The following METTL8 variants were observed in gnomAD, a reference collection of about 807,000 sequenced individuals.
METTL8 encodes tRNA N(3)-cytidine methyltransferase METTL8, mitochondrial.
A neutral mutation model predicts 48.7 loss-of-function variants in METTL8; 32 were observed. That is an observed-to-expected ratio of 0.66 (90% CI 0.50 to 0.88). METTL8 has a LOEUF of 0.88. Among genes scored for constraint, METTL8 ranks in the 40% least tolerant of loss-of-function variants. METTL8 has a pLI of 0.00. For missense variants in METTL8, 464 were observed against 474.4 expected, an observed-to-expected ratio of 0.98 and a Z score of 0.20; for synonymous variants, 136 against 157.1, an observed-to-expected ratio of 0.87 and a Z score of 1.01.
At chr2:171,349,893 A>G (rs889015349) in intron 3 of METTL8, among the ~76,000 whole-genome samples, 2 of 152,124 alleles carry the variant, frequency 1.3e-5, no homozygotes, top group Non-Finnish European at 2.9e-5. Flanking sequence ...ATATTTTCAG[A>G]GTACATGTGA....
chr2:171,416,559 G>GC (rs1374659964), intron 1 of METTL8, among the ~76,000 whole-genome samples: 1 of 152,198 alleles, frequency 6.6e-6, no homozygotes. Context: ...CCAGATGGCT[G>GC]CAACACTTAA....
intron 3 of METTL8, among the ~76,000 whole-genome samples, chr2:171,352,132 C>T (rs893438718): frequency 3.3e-5 from 5 of 152,142 alleles, no homozygotes; most frequent in African/African-American, 1.2e-4. Flanking sequence ...AGATATGTCC[C>T]ATCAATACCT....
chr2:171,392,390 A>G (rs1352249082), intron 1 of METTL8, among the ~76,000 whole-genome samples, 193 bp from the exon 2 acceptor site: 1 of 152,326 alleles, frequency 6.6e-6, no homozygotes, highest in East Asian at 1.9e-4. Flanking sequence ...AGAAATATTT[A>G]GGGTGGGCAA....
At chr2:171,359,656 A>G (rs1275954962) in intron 3 of METTL8, among the ~76,000 whole-genome samples, 1 of 151,556 alleles carries the variant, frequency 6.6e-6, no homozygotes, top group African/African-American at 2.4e-5. Context: ...CTCTGTCGCC[A>G]GGCTGGAGTA....
At chr2:171,397,569 A>G (rs1689228065) in intron 1 of METTL8, among the ~76,000 whole-genome samples, 1 of 150,008 alleles carries the variant, frequency 6.7e-6, no homozygotes, top group African/African-American at 2.4e-5. Flanking sequence ...AAAAAAAAAA[A>G]AAAAAAGAGA....
chr2:171,416,773 C>T (rs952550913), intron 1 of METTL8, among the ~76,000 whole-genome samples: 61 of 152,326 alleles, frequency 4.0e-4, no homozygotes, highest in East Asian at 1.9e-4. Context: ...AGCTGAGGCT[C>T]GAGCACTTGG....
At chr2:171,427,629 T>A (rs1692551104) in intron 1 of METTL8, among the ~76,000 whole-genome samples, 1 of 152,172 alleles carries the variant, frequency 6.6e-6, no homozygotes, top group South Asian at 2.1e-4. Context: ...CTCCTCCTCA[T>A]CATTCAGGGC....
intron 2 of METTL8, among the ~76,000 whole-genome samples, chr2:171,384,003 TATTC>T (rs1416898097): frequency 1.3e-5 from 2 of 152,208 alleles, no homozygotes; most frequent in Non-Finnish European, 2.9e-5. Context: ...ATAGCAGAAC[TATTC>T]ACAAGAGGCA....
chr2:171,387,579 G>T (rs991886430), intron 2 of METTL8, among the ~76,000 whole-genome samples: 3 of 151,374 alleles, frequency 2.0e-5, no homozygotes, highest in Non-Finnish European at 4.4e-5. Flanking sequence ...ATATATGTAT[G>T]TATGTGCATA....
chr2:171,416,860 A>G (rs1393289095), intron 1 of METTL8, among the ~76,000 whole-genome samples: 4 of 152,228 alleles, frequency 2.6e-5, no homozygotes, highest in African/African-American at 9.6e-5. Flanking sequence ...ACGCTATTCC[A>G]TCTGAGCTGC....
chr2:171,399,619 A>T (rs1295322203), intron 1 of METTL8, among the ~76,000 whole-genome samples: 1 of 152,180 alleles, frequency 6.6e-6, no homozygotes, highest in Non-Finnish European at 1.5e-5. Flanking sequence ...CTACCACTAA[A>T]ATGGGATCCT....
rs202051947 is a variant in METTL8 at position 171,359,970 on chromosome 2, T to C, written c.235+452A>G. On this transcript the variant is annotated intron_variant, in intron 3 of 9. Transcript: ENST00000375258. ...TTGGCAAGGCTTTTCTTAAATTAAATATAAAGGCCTTCAAGAAAACTGCCT... is the reference window on the plus strand; with the variant it reads ...TTGGCAAGGCTTTTCTTAAATTAAACATAAAGGCCTTCAAGAAAACTGCCT... Among the ~76,000 whole-genome samples, 6 of 152,256 alleles carry C rather than the reference T, an allele frequency of 3.9e-5. No homozygotes were observed. The East Asian group carries it at 1.2e-3, about 29-fold the overall frequency.
intron 1 of METTL8, among the ~76,000 whole-genome samples, chr2:171,425,299 G>C (rs1692290749): frequency 6.6e-6 from 1 of 152,032 alleles, no homozygotes; most frequent in African/African-American, 2.4e-5. Flanking sequence ...ATATACTCTG[G>C]AGCAACTCTT....
At chr2:171,417,145 T>C (rs1691394134) in intron 1 of METTL8, among the ~76,000 whole-genome samples, 1 of 152,220 alleles carries the variant, frequency 6.6e-6, no homozygotes, top group Non-Finnish European at 1.5e-5. Flanking sequence ...TCTATGCCCA[T>C]AAAAAGTAGA....
intron 1 of METTL8, among the ~76,000 whole-genome samples, chr2:171,407,439 T>TAAAAAA (rs1223982241): frequency 1.4e-4 from 21 of 151,600 alleles, no homozygotes; most frequent in African/African-American, 5.1e-4. Context: ...TCTCACCTAG[T>TAAAAAA]AACAAAAACA....
chr2:171,358,157 C>G (rs1442003180), intron 3 of METTL8, among the ~76,000 whole-genome samples: 2 of 152,062 alleles, frequency 1.3e-5, no homozygotes, highest in Non-Finnish European at 2.9e-5. Context: ...TCAAGACCAG[C>G]TTGGCCAACA....
At chr2:171,414,432 A>G (rs74791715) in intron 1 of METTL8, among the ~76,000 whole-genome samples, 1 of 150,968 alleles carries the variant, frequency 6.6e-6, no homozygotes, top group South Asian at 2.1e-4. Context: ...AAAAAAAAAA[A>G]CATCTTGCTA....
At position 171,319,343 on chromosome 2, in the gene METTL8, G is replaced by C. The variant is rs1298702410; in HGVS notation, c.*4829C>G. The C allele has an allele frequency of 6.6e-6, 1 of 152,266 alleles. No individual in the cohort carries two copies. Among genetic ancestry groups the C allele is most frequent in the Non-Finnish European group, 1.5e-5 (1 of 68,048 alleles). The allele number at this position is 152,266 out of a possible 1,614,324, so 9.4% of individuals were successfully genotyped here. A position where few individuals can be genotyped will look rare whatever the true frequency, so the allele number is the denominator to read the frequency against. On this transcript the variant is annotated 3_prime_UTR_variant, in exon 10 of 10. Transcript: ENST00000375258. ...CAGAGGCTTTGAAAGAGGTCGATTAGTGATGCAAATGTGAAGTTATCTGCA... is the reference window on the plus strand; with the variant it reads ...CAGAGGCTTTGAAAGAGGTCGATTACTGATGCAAATGTGAAGTTATCTGCA...
chr2:171,317,545 A>AT lies in METTL8; in HGVS notation c.*6626_*6627insA, dbSNP rs1488446758. On this transcript the variant is annotated 3_prime_UTR_variant, in exon 10 of 10. Transcript: ENST00000375258. ...GACCCAGATCACTGGGATGCCAAGG[A>AT]CACAGCTAGCTGGACACTATTTGAA... is the stretch of plus-strand genomic sequence containing the variant. 2 of 152,260 alleles carry AT rather than the reference A, an allele frequency of 1.3e-5. No homozygotes were observed. Among genetic ancestry groups the AT allele is most frequent in the East Asian group, 1.9e-4 (1 of 5,204 alleles). 9.4% of individuals were successfully genotyped at this position (152,260 alleles called of 1,614,324 possible).
Sources: gnomAD v4.1 joint callset for allele counts (sites outside exome capture counted in the v4.1 genomes callset) on GRCh38, gnomAD v4.1.1 for gene constraint, MANE v1.5 for transcripts, NCBI Gene and HGNC (gene_info 2026-07-23, HGNC 2026-07-21) for gene names.